Variants in AGBL1 observed in about 807,000 individuals in gnomAD.
AGBL1 encodes the protein cytosolic carboxypeptidase 4.
A neutral mutation model predicts 118.9 loss-of-function variants in AGBL1; 130 were observed. That is an observed-to-expected ratio of 1.09 (90% CI 0.95 to 1.26). The LOEUF is 1.26. AGBL1 is among the 50% of genes most tolerant of loss of function. The pLI is 0.00. For synonymous variants in AGBL1, 555 were observed against 478.9 expected, an observed-to-expected ratio of 1.16 and a Z score of -2.08; for missense variants, 1,584 against 1,298.1, an observed-to-expected ratio of 1.22 and a Z score of -3.38.
At chr15:86,403,144 G>A (rs1393918221) in intron 18 of AGBL1, among the ~76,000 whole-genome samples, 2 of 152,122 alleles carry the variant, frequency 1.3e-5, no homozygotes, top group African/African-American at 2.4e-5. Flanking sequence ...TAGACATGAT[G>A]TATAAATGAG....
chr15:86,766,161 T>C (rs1271080899), intron 22 of AGBL1, among the ~76,000 whole-genome samples: 1 of 151,912 alleles, frequency 6.6e-6, no homozygotes, highest in Non-Finnish European at 1.5e-5. Flanking sequence ...GGAGGTTTAG[T>C]AATTTGTCCA....
intron 22 of AGBL1, among the ~76,000 whole-genome samples, chr15:86,754,138 T>C (rs1044952061): frequency 2.0e-5 from 3 of 152,144 alleles, no homozygotes; most frequent in Admixed American, 1.3e-4. Context: ...TAATATATTT[T>C]ATGTTTGTGC....
At chr15:86,517,478 A>G (rs2083135681) in intron 18 of AGBL1, among the ~76,000 whole-genome samples, 1 of 152,218 alleles carries the variant, frequency 6.6e-6, no homozygotes, top group Admixed American at 6.5e-5. Context: ...TCAAATGTTA[A>G]CTATGGGTAA....
chr15:86,721,293 A>T (rs913808544), intron 22 of AGBL1, among the ~76,000 whole-genome samples: 20 of 152,274 alleles, frequency 1.3e-4, no homozygotes, highest in African/African-American at 2.9e-4. Flanking sequence ...TCAAAAAGCT[A>T]ATCCACCATG....
intron 21 of AGBL1, among the ~76,000 whole-genome samples, chr15:86,644,339 C>G (rs2085241826): frequency 6.6e-6 from 1 of 151,896 alleles, no homozygotes; most frequent in Non-Finnish European, 1.5e-5. Context: ...TGAGATTAGC[C>G]TGGCAAACAT....
At chr15:86,736,829 C>T (rs2141226987) in intron 22 of AGBL1, among the ~76,000 whole-genome samples, 1 of 152,194 alleles carries the variant, frequency 6.6e-6, no homozygotes. Context: ...TTTTAGCTCC[C>T]TTCAGCCTCT....
chr15:86,865,406 G>A (rs1314561585), intron 22 of AGBL1, among the ~76,000 whole-genome samples: 2 of 152,164 alleles, frequency 1.3e-5, no homozygotes, highest in South Asian at 2.1e-4. Context: ...ACATTTTGGA[G>A]GTACCCTTTG....
chr15:86,657,599 T>C (rs2085481157), intron 21 of AGBL1, among the ~76,000 whole-genome samples: 1 of 152,188 alleles, frequency 6.6e-6, no homozygotes, highest in African/African-American at 2.4e-5. Context: ...GATTTGGTGT[T>C]ATTGCTAATG....
chr15:86,846,428 A>T (rs865783765), intron 22 of AGBL1, among the ~76,000 whole-genome samples: 1 of 152,220 alleles, frequency 6.6e-6, no homozygotes, highest in South Asian at 2.1e-4. Flanking sequence ...TGTGTTTGGC[A>T]GTGAACATTT....
intron 17 of AGBL1, among the ~76,000 whole-genome samples, chr15:86,390,821 C>G (rs1320108755): frequency 2.6e-5 from 4 of 151,808 alleles, no homozygotes; most frequent in Admixed American, 1.3e-4. Flanking sequence ...AGGCGCCTAC[C>G]ACCATGCCCA....
At chr15:86,143,674 C>T in intron 2 of AGBL1, 25 bp from the exon 3 acceptor site, 2 of 1,610,768 alleles carry the variant, frequency 1.2e-6, no homozygotes, top group Non-Finnish European at 1.7e-6. Context: ...ACTTGTGGCT[C>T]ATCTTTCCTC....
At position 86,934,766 on chromosome 15, in the gene AGBL1, T is replaced by C. The variant is rs188784663; in HGVS notation, c.3222-53221T>C. On this transcript the variant is annotated intron_variant, in intron 23 of 24. Coordinates refer to the AGBL1 transcript ENST00000441037. Reference sequence around the variant, plus strand: ...TTTTAATAGTGTAGTTATTTATTATTGTGGTTACTTCTGGGTACCAGATAC... The same window carrying C: ...TTTTAATAGTGTAGTTATTTATTATCGTGGTTACTTCTGGGTACCAGATAC... Among the ~76,000 whole-genome samples, 28 of 152,338 alleles carry C rather than the reference T, an allele frequency of 1.8e-4. 1 individual carries two copies. In the East Asian group the frequency reaches 4.6e-3, roughly 25 times the overall value.
At chr15:86,870,847 G>A (rs139517148) in intron 22 of AGBL1, among the ~76,000 whole-genome samples, 193 of 152,294 alleles carry the variant, frequency 1.3e-3, no homozygotes, top group Admixed American at 3.3e-3. Context: ...TATTGGATCT[G>A]ATCTTTCAGT....
intron 19 of AGBL1, among the ~76,000 whole-genome samples, chr15:86,543,429 A>G (rs1178974769): frequency 2.0e-5 from 3 of 152,218 alleles, no homozygotes; most frequent in Non-Finnish European, 4.4e-5. Context: ...GTCAAGAAAA[A>G]AAGAAAAATA....
chr15:86,644,745 C>T (rs1352320211), intron 21 of AGBL1, among the ~76,000 whole-genome samples: 3 of 151,318 alleles, frequency 2.0e-5, no homozygotes, highest in Non-Finnish European at 4.4e-5. Context: ...GTGGCTCACG[C>T]CTGTAATCCC....
At chr15:86,956,459 C>G (rs766146713) in intron 23 of AGBL1, among the ~76,000 whole-genome samples, 1 of 152,050 alleles carries the variant, frequency 6.6e-6, no homozygotes, top group Non-Finnish European at 1.5e-5. Flanking sequence ...AAGGCAGAAG[C>G]TGGAGATTCA....
At chr15:86,156,103 T>A (rs1435092724) in intron 4 of AGBL1, among the ~76,000 whole-genome samples, 1 of 152,048 alleles carries the variant, frequency 6.6e-6, no homozygotes, top group African/African-American at 2.4e-5. Flanking sequence ...TATATTTTAG[T>A]AGGGACAGGG....
intron 22 of AGBL1, among the ~76,000 whole-genome samples, chr15:86,704,369 A>C (rs2086411678): frequency 6.6e-6 from 1 of 152,186 alleles, no homozygotes; most frequent in Non-Finnish European, 1.5e-5. Flanking sequence ...AATAGGAGAA[A>C]ATTTTTGCAA....
At chr15:86,955,439 T>C (rs1215936094) in intron 23 of AGBL1, among the ~76,000 whole-genome samples, 1 of 151,544 alleles carries the variant, frequency 6.6e-6, no homozygotes, top group African/African-American at 2.4e-5. Flanking sequence ...AGAATTCAAC[T>C]CAAGATGGAA....
Sources: gnomAD v4.1 joint callset for allele counts (sites outside exome capture counted in the v4.1 genomes callset) on GRCh38, gnomAD v4.1.1 for gene constraint, MANE v1.5 for transcripts, NCBI Gene and HGNC (gene_info 2026-07-23, HGNC 2026-07-21) for gene names.